ACTR3B: variants seen among roughly 807,000 people sequenced by gnomAD.
The protein encoded by ACTR3B is actin related protein 3B, also known as actin-related protein 3B.
A neutral mutation model predicts 59.0 loss-of-function variants in ACTR3B; 8 were observed. That is an observed-to-expected ratio of 0.14 (90% CI 0.08 to 0.24). ACTR3B has a LOEUF of 0.24. Among genes scored for constraint, ACTR3B ranks in the 10% least tolerant of loss-of-function variants. The pLI is 1.00. For missense variants in ACTR3B, 245 were observed against 552.3 expected, an observed-to-expected ratio of 0.44 and a Z score of 5.58; for synonymous variants, 148 against 197.9, an observed-to-expected ratio of 0.75 and a Z score of 2.12.
intron 1 of ACTR3B, among the ~76,000 whole-genome samples, chr7:152,767,119 A>AT (rs2098112887): frequency 7.2e-6 from 1 of 139,450 alleles, no homozygotes; most frequent in Non-Finnish European, 1.6e-5. Flanking sequence ...TAATGGTTTC[A>AT]TTTTTTTCAT....
In ACTR3B at chr7:152,854,632, T is replaced by G; in HGVS notation, c.*79T>G. ...CAGAACCCAGAGAAGGCCGCCGTTC[T>G]GTAAATAGCGACGTCGGTGTTGCTG... On this transcript the variant is annotated 3_prime_UTR_variant, in exon 12 of 12. Transcript: ENST00000256001. This position sits in a 1 kb window ranked among gnomAD's most constrained non-coding sequence, Gnocchi z 4.9. 5 of 1,456,432 alleles carry G rather than the reference T, an allele frequency of 3.4e-6. No homozygotes were observed. Among genetic ancestry groups the G allele is most frequent in the Non-Finnish European group, 4.8e-6 (5 of 1,042,796 alleles). The allele number at this position is 1,456,432 out of a possible 1,614,324, so 90.2% of individuals were successfully genotyped here.
chr7:152,829,764 C>G (rs1796876237), intron 9 of ACTR3B, among the ~76,000 whole-genome samples: 2 of 152,160 alleles, frequency 1.3e-5, no homozygotes, highest in South Asian at 2.1e-4. Context: ...AACTTGAGGA[C>G]CGCCATCAGC....
At position 152,814,700 on chromosome 7, in the gene ACTR3B, A is replaced by G. The variant is rs542896775; in HGVS notation, c.432+55A>G. 2.9e-5 allele frequency: 41 copies of G among 1,438,552 alleles called. No individual in the cohort carries two copies. The East Asian group carries it at 9.1e-4, about 32-fold the overall frequency. The allele number at this position is 1,438,552 out of a possible 1,614,324, so 89.1% of individuals were successfully genotyped here. Reference sequence around the variant, plus strand: ...AGCACCTGAGCTGTCTAGTAGCGGAAGAAATGGTATTTCCCAAGGTTCTCC... The same window carrying G: ...AGCACCTGAGCTGTCTAGTAGCGGAGGAAATGGTATTTCCCAAGGTTCTCC... On this transcript the variant is annotated intron_variant, in intron 5 of 11. Coordinates refer to ENST00000256001, the MANE Select transcript of ACTR3B (RefSeq NM_020445.6).
chr7:152,792,138 C>T (rs543100035), intron 2 of ACTR3B, among the ~76,000 whole-genome samples: 224 of 152,222 alleles, frequency 1.5e-3, no homozygotes, highest in African/African-American at 4.2e-3. Context: ...CCACCTGCCT[C>T]GGCCTTCCAA....
At chr7:152,850,763 ATT>A (rs138869944) in intron 9 of ACTR3B, among the ~76,000 whole-genome samples, 1 of 151,392 alleles carries the variant, frequency 6.6e-6, no homozygotes, top group African/African-American at 2.4e-5. Context: ...AGAAAAGTGC[ATT>A]TTTTTTTCCG....
intron 1 of ACTR3B, among the ~76,000 whole-genome samples, chr7:152,774,138 TTTGTTG>T (rs1484786545): frequency 1.3e-5 from 2 of 152,190 alleles, no homozygotes; most frequent in East Asian, 3.8e-4. Flanking sequence ...TTAAAATTTT[TTTGTTG>T]TTGTTTTTTG....
chr7:152,759,866 C>A lies in ACTR3B; in HGVS notation c.-17C>A. ...CTCTCGGGCTGCCGGCGGGGCCGAGCGCCGCGCGTCCCGAGCATGGCAGGC... is the reference window on the plus strand; with the variant it reads ...CTCTCGGGCTGCCGGCGGGGCCGAGAGCCGCGCGTCCCGAGCATGGCAGGC... On this transcript the variant is annotated 5_prime_UTR_variant, in exon 1 of 12. Coordinates refer to ENST00000256001, the MANE Select transcript of ACTR3B (RefSeq NM_020445.6). 3 of 1,303,804 alleles carry A rather than the reference C, an allele frequency of 2.3e-6. No homozygotes were observed. Among genetic ancestry groups the A allele is most frequent in the Admixed American group, 6.1e-5 (2 of 32,654 alleles). The allele number at this position is 1,303,804 out of a possible 1,614,324, so 80.8% of individuals were successfully genotyped here.
chr7:152,778,950 A>T (rs2098143150), intron 1 of ACTR3B, among the ~76,000 whole-genome samples: 1 of 11,470 alleles, frequency 8.7e-5, no homozygotes, highest in Non-Finnish European at 1.5e-4. Flanking sequence ...CTCCAAAAAA[A>T]AAAAAAAAAA....
Position 152,823,356 on chromosome 7 carries a change from C to T in ACTR3B, c.699C>T (p.Tyr233=), listed in dbSNP as rs1371864744. 7 of 1,614,028 alleles carry T rather than the reference C, an allele frequency of 4.3e-6. No homozygotes were observed. Among genetic ancestry groups the T allele is most frequent in the East Asian group, 2.2e-5 (1 of 44,898 alleles). ...TAKAIKEKYC[Y]ICPDIVKEFA... ...TGTGTATGCAGGAGAAATACTGTTA[C>T]ATTTGCCCCGATATAGTCAAGGAAT... is the stretch of plus-strand genomic sequence containing the variant. Residue 233 remains tyrosine, a synonymous_variant, in exon 8 of 12, where the codon TAC becomes TAT. Transcript: ENST00000256001.
intron 9 of ACTR3B, among the ~76,000 whole-genome samples, chr7:152,851,491 G>A (rs573640474): frequency 7.9e-5 from 12 of 152,336 alleles, no homozygotes; most frequent in African/African-American, 2.6e-4. Context: ...ACTGACAGGT[G>A]GGCAGGGTTG....
intron 4 of ACTR3B, among the ~76,000 whole-genome samples, chr7:152,805,398 C>A (rs984145739): frequency 1.2e-4 from 18 of 152,094 alleles, no homozygotes; most frequent in Non-Finnish European, 2.4e-4. Context: ...CTCCAAGCAG[C>A]AGGTGTTGAT....
intron 1 of ACTR3B, among the ~76,000 whole-genome samples, chr7:152,777,730 C>T (rs551204950): frequency 1.2e-4 from 18 of 152,224 alleles, no homozygotes; most frequent in Non-Finnish European, 2.5e-4. Flanking sequence ...CGAGGTGGAT[C>T]GCCTGAGGCC....
chr7:152,851,431 A>G (rs912837512), intron 9 of ACTR3B, among the ~76,000 whole-genome samples: 31 of 152,228 alleles, frequency 2.0e-4, no homozygotes, highest in African/African-American at 7.5e-4. Flanking sequence ...CTGGGCCGTC[A>G]AACCATGAGG....
intron 9 of ACTR3B, among the ~76,000 whole-genome samples, chr7:152,849,646 T>C (rs945972940): frequency 5.3e-5 from 8 of 152,254 alleles, no homozygotes; most frequent in African/African-American, 1.9e-4. Flanking sequence ...CTGTGCATAA[T>C]GTTTTTGGTA....
intron 9 of ACTR3B, among the ~76,000 whole-genome samples, chr7:152,839,392 G>T (rs902139663): frequency 2.8e-5 from 4 of 140,656 alleles, no homozygotes; most frequent in Admixed American, 1.4e-4. Context: ...CCTGCCTACT[G>T]CTTGTTCAGT....
intron 3 of ACTR3B, 98 bp from the exon 4 acceptor site, chr7:152,801,523 T>C (rs2098236709): frequency 5.2e-6 from 8 of 1,526,730 alleles, no homozygotes; most frequent in Non-Finnish European, 7.1e-6. Flanking sequence ...GAAGGATACC[T>C]TTATTCTTAA....
chr7:152,762,572 A>G (rs1248269959), intron 1 of ACTR3B, among the ~76,000 whole-genome samples: 1 of 152,200 alleles, frequency 6.6e-6, no homozygotes, highest in Non-Finnish European at 1.5e-5. Context: ...TTCTGAGGAC[A>G]CATTTTCCCT....
chr7:152,782,669 C>CA, intron 1 of ACTR3B, among the ~76,000 whole-genome samples: 1 of 151,680 alleles, frequency 6.6e-6, no homozygotes, highest in South Asian at 2.1e-4. Flanking sequence ...CGCCGCCCCC[C>CA]ACCCCGCAAA....
At chr7:152,816,094 G>A (rs895925239) in intron 5 of ACTR3B, among the ~76,000 whole-genome samples, 4 of 152,214 alleles carry the variant, frequency 2.6e-5, no homozygotes, top group Admixed American at 6.5e-5. Context: ...GTACACGTGC[G>A]TGTCACCACG....
Sources: gnomAD v4.1 joint callset for allele counts (sites outside exome capture counted in the v4.1 genomes callset) on GRCh38, gnomAD v4.1.1 for gene constraint, Gnocchi (gnomAD v3.1) non-coding constraint, MANE v1.5 for transcripts, NCBI Gene and HGNC (gene_info 2026-07-23, HGNC 2026-07-21) for gene names.